Variants in STAG1 observed in about 807,000 individuals in gnomAD.
STAG1 encodes STAG1 cohesin complex component, also known as cohesin subunit SA-1.
STAG1 carries 26 observed loss-of-function variants against 170.9 expected under a neutral mutation model. The observed-to-expected ratio is 0.15, with a 90% confidence interval of 0.11 to 0.21. The LOEUF (loss-of-function observed/expected upper bound fraction) is 0.21. STAG1 is among the 10% of genes least tolerant of loss of function. The pLI is 1.00. For synonymous variants in STAG1, 514 were observed against 497.7 expected, an observed-to-expected ratio of 1.03 and a Z score of -0.44; for missense variants, 964 against 1,509.5, an observed-to-expected ratio of 0.64 and a Z score of 5.99.
rs142701301 is a variant in STAG1 at position 136,680,203 on chromosome 3, G to A, written c.-83-49222C>T. ...TTGAACCCAGGAGGCAGAGGTTGCA[G>A]TGAGCCAAGATCGTGCCACTGCACT... On this transcript the variant is annotated intron_variant, in intron 1 of 33. Transcript: ENST00000383202. 3.3e-3 allele frequency among the ~76,000 whole-genome samples: 508 copies of A among 152,352 alleles called. 8 individuals are homozygous for A. The East Asian group carries it at 0.048, about 14-fold the overall frequency.
intron 1 of STAG1, among the ~76,000 whole-genome samples, chr3:136,735,972 A>G (rs559148933): frequency 6.6e-6 from 1 of 152,270 alleles, no homozygotes; most frequent in African/African-American, 2.4e-5. Context: ...CAAACACCAC[A>G]GGGCATCAGG....
At chr3:136,420,683 G>A (rs1470937432) in intron 20 of STAG1, among the ~76,000 whole-genome samples, 2 of 152,208 alleles carry the variant, frequency 1.3e-5, no homozygotes, top group African/African-American at 2.4e-5. Context: ...ATGATCAAGT[G>A]CAGCCTTGAA....
chr3:136,549,344 C>A (rs559411927), intron 5 of STAG1, among the ~76,000 whole-genome samples: 142 of 151,856 alleles, frequency 9.4e-4, no homozygotes, highest in African/African-American at 3.3e-3. Context: ...GAGTTTCACA[C>A]TTGTCACCCA....
chr3:136,431,831 C>G (rs1211694284), intron 16 of STAG1, among the ~76,000 whole-genome samples: 1 of 152,094 alleles, frequency 6.6e-6, no homozygotes, highest in African/African-American at 2.4e-5. Flanking sequence ...TCTCTTGTTG[C>G]TTTCAAGATT....
chr3:136,425,245 A>G (rs2088083698), intron 16 of STAG1, among the ~76,000 whole-genome samples: 1 of 152,212 alleles, frequency 6.6e-6, no homozygotes, highest in Admixed American at 6.5e-5. Context: ...CAGCCAGAAG[A>G]AAATGAAGAC....
At chr3:136,530,768 G>C (rs866825729) in intron 6 of STAG1, among the ~76,000 whole-genome samples, 24 of 152,156 alleles carry the variant, frequency 1.6e-4, no homozygotes, top group Middle Eastern at 3.2e-3. Flanking sequence ...AAAAACTGCA[G>C]TAGGATGAAA....
At chr3:136,507,894 C>T (rs1410239650) in intron 7 of STAG1, among the ~76,000 whole-genome samples, 1 of 151,776 alleles carries the variant, frequency 6.6e-6, no homozygotes, top group East Asian at 1.9e-4. Flanking sequence ...GACAGTGTTC[C>T]AAGGAGAAAA....
At chr3:136,739,728 G>A (rs1934557464) in intron 1 of STAG1, among the ~76,000 whole-genome samples, 1 of 151,864 alleles carries the variant, frequency 6.6e-6, no homozygotes, top group Admixed American at 6.6e-5. Flanking sequence ...AGAGGCTGAG[G>A]CAGGAGAATC....
intron 1 of STAG1, among the ~76,000 whole-genome samples, chr3:136,658,317 C>T (rs1383896998): frequency 6.6e-6 from 1 of 151,716 alleles, no homozygotes; most frequent in Non-Finnish European, 1.5e-5. Flanking sequence ...GTAATGAGGG[C>T]ATCCCACATA....
chr3:136,473,130 T>C (rs961134494), intron 11 of STAG1, among the ~76,000 whole-genome samples: 1 of 152,018 alleles, frequency 6.6e-6, no homozygotes, highest in African/African-American at 2.4e-5. Context: ...GGGATCTACG[T>C]TGTGTGCTCC....
intron 1 of STAG1, among the ~76,000 whole-genome samples, chr3:136,723,225 G>T (rs1345519592): frequency 6.6e-6 from 1 of 151,312 alleles, no homozygotes; most frequent in African/African-American, 2.4e-5. Context: ...CTGCCCGGCT[G>T]CCATCCCATC....
chr3:136,478,554 T>G (rs183276381), intron 9 of STAG1, among the ~76,000 whole-genome samples: 208 of 152,350 alleles, frequency 1.4e-3, no homozygotes, highest in Middle Eastern at 3.4e-3. Context: ...TTAAGTAATT[T>G]TTAATTATCC....
intron 1 of STAG1, among the ~76,000 whole-genome samples, chr3:136,656,710 A>G (rs1941388979): frequency 6.6e-6 from 1 of 151,920 alleles, no homozygotes; most frequent in Non-Finnish European, 1.5e-5. Context: ...AATAAATAAA[A>G]TGAAAGCAAG....
intron 5 of STAG1, among the ~76,000 whole-genome samples, chr3:136,544,878 C>T (rs1186595649): frequency 1.3e-5 from 2 of 152,132 alleles, no homozygotes; most frequent in Non-Finnish European, 2.9e-5. Flanking sequence ...AAAGATCCTT[C>T]CAAATAGCAG....
chr3:136,473,097 C>G lies in STAG1; in HGVS notation c.1125+442G>C, dbSNP rs1199976663. Among the ~76,000 whole-genome samples the G allele has an allele frequency of 2.0e-5, 3 of 152,060 alleles. No homozygotes were observed. The East Asian group carries it at 5.8e-4, about 29-fold the overall frequency. The stretch of plus-strand genomic sequence containing the variant: ...CAATAGGAACAACAGGAACATGAAC[C>G]CTACTGTGAACTGCGCATGCAAGGG... On this transcript the variant is annotated intron_variant, in intron 11 of 33. Coordinates refer to ENST00000383202, the MANE Select transcript of STAG1 (RefSeq NM_005862.3).
At chr3:136,559,149 C>CTATCTA (rs1936739350) in intron 5 of STAG1, among the ~76,000 whole-genome samples, 1 of 149,862 alleles carries the variant, frequency 6.7e-6, no homozygotes, top group Non-Finnish European at 1.5e-5. Flanking sequence ...ATCTATCTAT[C>CTATCTA]TATCTATCTA....
chr3:136,750,413 C>G (rs1339449098), intron 1 of STAG1, among the ~76,000 whole-genome samples: 1 of 152,218 alleles, frequency 6.6e-6, no homozygotes, highest in African/African-American at 2.4e-5. Context: ...GGACCCACTC[C>G]TTCTCCCCTA....
intron 16 of STAG1, among the ~76,000 whole-genome samples, chr3:136,432,975 G>C (rs974470552): frequency 6.6e-6 from 1 of 151,786 alleles, no homozygotes; most frequent in African/African-American, 2.4e-5. Context: ...TTCCCAATGT[G>C]TGTTTTTTTT....
intron 2 of STAG1, among the ~76,000 whole-genome samples, chr3:136,629,939 T>C (rs934743524): frequency 1.3e-5 from 2 of 152,134 alleles, no homozygotes; most frequent in Admixed American, 6.5e-5. Context: ...CTCATGCATG[T>C]AATCCCGGCA....
Sources: allele counts gnomAD v4.1 joint callset (sites outside exome capture counted in the v4.1 genomes callset), GRCh38; gene constraint gnomAD v4.1.1; transcripts MANE v1.5; gene names NCBI Gene and HGNC (gene_info 2026-07-23, HGNC 2026-07-21).